The following GMDS variants were observed in gnomAD, a reference collection of about 807,000 sequenced individuals.
GMDS encodes GDP-mannose 4,6 dehydratase.
A neutral mutation model predicts 49.9 loss-of-function variants in GMDS; 20 were observed. The observed-to-expected ratio is 0.40, with a 90% CI of 0.28 to 0.58. The LOEUF (loss-of-function observed/expected upper bound fraction) is 0.58. Ranked by LOEUF, GMDS falls within the 20% of genes least tolerant of loss-of-function variation. The probability of loss-of-function intolerance (pLI) is 0.42; values close to 1 mark genes in which losing one functional copy is unlikely to be tolerated. For synonymous variants in GMDS, 177 were observed against 178.6 expected (o/e 0.99, Z 0.07); for missense variants, 362 against 481.4 (o/e 0.75, Z 2.32).
At chr6:2,188,770 G>A (rs1390350379) in intron 1 of GMDS, among the ~76,000 whole-genome samples, 1 of 152,186 alleles carries the variant, frequency 6.6e-6, no homozygotes, top group Non-Finnish European at 1.5e-5. Flanking sequence ...GGAACCATGA[G>A]GCCTTCTAAG....
intron 9 of GMDS, among the ~76,000 whole-genome samples, chr6:1,659,537 G>A (rs1309408814): frequency 6.6e-6 from 1 of 152,124 alleles, no homozygotes; most frequent in Non-Finnish European, 1.5e-5. Flanking sequence ...ACCCAGATAG[G>A]TTCAGGCAAG....
At chr6:2,206,993 C>T (rs1354683922) in intron 1 of GMDS, among the ~76,000 whole-genome samples, 1 of 152,046 alleles carries the variant, frequency 6.6e-6, no homozygotes, top group Non-Finnish European at 1.5e-5. Flanking sequence ...CACAGCCATG[C>T]CATGAGGTCA....
At chr6:2,156,314 G>A (rs1251736521) in intron 1 of GMDS, among the ~76,000 whole-genome samples, 1 of 152,086 alleles carries the variant, frequency 6.6e-6, no homozygotes, top group African/African-American at 2.4e-5. Context: ...CTATGGTAAT[G>A]CAATTATCTC....
chr6:2,094,517 T>C (rs1372230802), intron 4 of GMDS, among the ~76,000 whole-genome samples: 2 of 152,234 alleles, frequency 1.3e-5, no homozygotes, highest in Non-Finnish European at 2.9e-5. Flanking sequence ...GGTCGTGCCA[T>C]GTACCGTGTT....
chr6:1,741,865 T>C (rs1305636190), intron 8 of GMDS, among the ~76,000 whole-genome samples: 1 of 148,344 alleles, frequency 6.7e-6, no homozygotes, highest in Non-Finnish European at 1.5e-5. Context: ...GACAAAACAT[T>C]TAAAACTAAA....
intron 7 of GMDS, among the ~76,000 whole-genome samples, chr6:1,896,527 G>A (rs1760198623): frequency 6.6e-6 from 1 of 152,120 alleles, no homozygotes; most frequent in African/African-American, 2.4e-5. Flanking sequence ...ATAGACGACT[G>A]ACAAATCCGG....
At chr6:2,158,920 T>C (rs929858042) in intron 1 of GMDS, among the ~76,000 whole-genome samples, 3 of 152,128 alleles carry the variant, frequency 2.0e-5, no homozygotes, top group African/African-American at 7.2e-5. Flanking sequence ...GTATACCTAC[T>C]TACATCAAAA....
chr6:2,099,077 A>G (rs1773776972), intron 4 of GMDS, among the ~76,000 whole-genome samples: 1 of 152,110 alleles, frequency 6.6e-6, no homozygotes, highest in Non-Finnish European at 1.5e-5. Context: ...TTTTTAAAAC[A>G]TTTACTTTTT....
chr6:2,155,644 C>G (rs115553828), intron 1 of GMDS, among the ~76,000 whole-genome samples: 71 of 152,200 alleles, frequency 4.7e-4, no homozygotes, highest in Non-Finnish European at 9.0e-4. Flanking sequence ...CAAATTCAGG[C>G]ACCACGTTCA....
At chr6:2,040,982 C>T (rs1769641705) in intron 4 of GMDS, among the ~76,000 whole-genome samples, 1 of 152,190 alleles carries the variant, frequency 6.6e-6, no homozygotes, top group Non-Finnish European at 1.5e-5. Context: ...TAAACGTCTA[C>T]ACTTTTCTTT....
intron 4 of GMDS, among the ~76,000 whole-genome samples, chr6:2,000,660 T>C (rs1200397480): frequency 6.6e-6 from 1 of 152,160 alleles, no homozygotes; most frequent in Middle Eastern, 3.2e-3. Context: ...GTCTCTTTTT[T>C]TGTTTTAGTG....
intron 9 of GMDS, among the ~76,000 whole-genome samples, chr6:1,694,749 C>T (rs939874116): frequency 1.3e-5 from 2 of 152,176 alleles, no homozygotes; most frequent in African/African-American, 4.8e-5. Flanking sequence ...TAAACAATTA[C>T]GTCGTGAAGG....
At chr6:2,080,567 T>C (rs1772630353) in intron 4 of GMDS, among the ~76,000 whole-genome samples, 1 of 152,104 alleles carries the variant, frequency 6.6e-6, no homozygotes, top group Non-Finnish European at 1.5e-5. Flanking sequence ...TCTGTAAGAT[T>C]TCTTCAGCTG....
chr6:2,197,805 AC>A (rs780879608), intron 1 of GMDS, among the ~76,000 whole-genome samples: 21 of 152,138 alleles, frequency 1.4e-4, no homozygotes, highest in Non-Finnish European at 2.1e-4. Context: ...AAAGGAAGAC[AC>A]CCCTCTCATG....
chr6:2,165,910 T>C (rs1156779929), intron 1 of GMDS, among the ~76,000 whole-genome samples: 1 of 151,960 alleles, frequency 6.6e-6, no homozygotes, highest in Non-Finnish European at 1.5e-5. Flanking sequence ...CAAGGATGGG[T>C]TGAACAGTAG....
chr6:2,164,784 C>T (rs767573347), intron 1 of GMDS, among the ~76,000 whole-genome samples: 29 of 152,222 alleles, frequency 1.9e-4, no homozygotes, highest in South Asian at 4.1e-4. Flanking sequence ...TTAAGGTTCT[C>T]CTTCAGGGCA....
At chr6:1,713,077 G>A (rs1358997620) in intron 9 of GMDS, among the ~76,000 whole-genome samples, 2 of 152,202 alleles carry the variant, frequency 1.3e-5, no homozygotes, top group Admixed American at 6.5e-5. Flanking sequence ...TCCAGCCACG[G>A]ATGTCAGACT....
intron 2 of GMDS, among the ~76,000 whole-genome samples, 191 bp downstream of exon 2, chr6:2,124,496 T>TC (rs1775310769): frequency 6.6e-6 from 1 of 152,172 alleles, no homozygotes; most frequent in Admixed American, 6.5e-5. Flanking sequence ...CCACCAGTGC[T>TC]CACCAGCAGA....
At chr6:1,715,105 G>C (rs1766128036) in intron 9 of GMDS, among the ~76,000 whole-genome samples, 1 of 152,190 alleles carries the variant, frequency 6.6e-6, no homozygotes, top group South Asian at 2.1e-4. Flanking sequence ...AACATAAGGA[G>C]ACAGGAAAGT....
Sources: gnomAD v4.1 joint callset for allele counts (sites outside exome capture counted in the v4.1 genomes callset) on GRCh38, gnomAD v4.1.1 for gene constraint, MANE v1.5 for transcripts, NCBI Gene and HGNC (gene_info 2026-07-23, HGNC 2026-07-21) for gene names.